CTBP2: variants seen among roughly 807,000 people sequenced by gnomAD.
CTBP2 encodes the protein C-terminal-binding protein 2.
In CTBP2, 30 loss-of-function variants were observed where a neutral mutation model predicts 80.3. That is an observed-to-expected ratio of 0.37 (90% CI 0.28 to 0.51). The LOEUF (loss-of-function observed/expected upper bound fraction) is 0.51. CTBP2 is among the 20% of genes least tolerant of loss of function. The pLI, the probability that CTBP2 is intolerant of heterozygous loss-of-function variation, is 0.93. For missense variants in CTBP2, 1,212 were observed against 1,375.3 expected (o/e 0.88, Z 1.88); for synonymous variants, 594 against 587.4 (o/e 1.01, Z -0.16).
chr10:125,153,374 T>C (rs984178779), intron 1 of CTBP2, among the ~76,000 whole-genome samples: 1 of 152,234 alleles, frequency 6.6e-6, no homozygotes, highest in African/African-American at 2.4e-5. Context: ...ACCCGTTCCC[T>C]TGGTCTCCCT....
chr10:125,151,793 C>A lies in CTBP2; in HGVS notation c.-206+8526G>T, dbSNP rs192867313. 6.6e-4 allele frequency among the ~76,000 whole-genome samples: 101 copies of A among 152,306 alleles called. 1 individual carries two copies. The East Asian group carries it at 0.016, about 24-fold the overall frequency. ...TCCTACCTTGCCGGGGCCTCGCGGACCGGAGAGGGGCCGGCGACCCTGCTG... is the reference window on the plus strand; with the variant it reads ...TCCTACCTTGCCGGGGCCTCGCGGAACGGAGAGGGGCCGGCGACCCTGCTG... On this transcript the variant is annotated intron_variant, in intron 1 of 10. Coordinates refer to the CTBP2 transcript ENST00000337195.
At chr10:124,990,183 T>C (rs1453119118) in intron 8 of CTBP2, among the ~76,000 whole-genome samples, 1 of 152,022 alleles carries the variant, frequency 6.6e-6, no homozygotes, top group Non-Finnish European at 1.5e-5. Context: ...TAGCTGGGAC[T>C]ACAGGTGTGC....
intron 2 of CTBP2, among the ~76,000 whole-genome samples, chr10:125,062,252 G>T (rs1965115762): frequency 6.6e-6 from 1 of 152,146 alleles, no homozygotes; most frequent in Non-Finnish European, 1.5e-5. Flanking sequence ...GGACACAGGG[G>T]TGCTCTCAAA....
intron 2 of CTBP2, among the ~76,000 whole-genome samples, chr10:125,089,821 G>C (rs921471433): frequency 6.6e-6 from 1 of 152,282 alleles, no homozygotes; most frequent in East Asian, 1.9e-4. Context: ...CTGACCAAGG[G>C]AATGGCCTAA....
At chr10:125,037,295 C>T (rs759240690) in intron 3 of CTBP2, among the ~76,000 whole-genome samples, 4 of 152,210 alleles carry the variant, frequency 2.6e-5, no homozygotes, top group African/African-American at 4.8e-5. Context: ...GGAAACGCTG[C>T]TAGCTCTTCA....
chr10:124,984,622 C>G lies in CTBP2; in HGVS notation c.*4896G>C. 1 of 717,918 alleles carries G rather than the reference C, an allele frequency of 1.4e-6. No homozygotes were observed. The highest frequency in any genetic ancestry group is 2.2e-6 in the Non-Finnish European group (1 of 453,282). 44.5% of individuals were successfully genotyped at this position (717,918 alleles called of 1,614,324 possible). A position where few individuals can be genotyped will look rare whatever the true frequency, so the allele number is the denominator to read the frequency against. ...ACCAGAGCAAACTGGACTTTAATCA[C>G]AAAACTTCCAAGAGGTCAAAACCAT... On this transcript the variant is annotated 3_prime_UTR_variant, in exon 9 of 9. Coordinates refer to ENST00000309035, the MANE Select transcript of CTBP2 (RefSeq NM_022802.3).
chr10:125,138,803 G>A (rs1857352035), intron 1 of CTBP2, among the ~76,000 whole-genome samples: 1 of 152,116 alleles, frequency 6.6e-6, no homozygotes, highest in African/African-American at 2.4e-5. Context: ...TTGATTCTTG[G>A]GTGCAAGATG....
At chr10:125,142,342 T>A (rs1343770221) in intron 1 of CTBP2, among the ~76,000 whole-genome samples, 1 of 152,080 alleles carries the variant, frequency 6.6e-6, no homozygotes, top group Non-Finnish European at 1.5e-5. Flanking sequence ...TCATGCATAA[T>A]CCTTGGATAT....
rs922354169 is a variant in CTBP2, at chr10:125,027,222, G to C, written c.538C>G (p.Gln180Glu). Residue 180 changes from glutamine (Q) to glutamate (E), a missense_variant, in exon 1 of 9, where the codon CAG (glutamine) becomes GAG (glutamate). Around this residue, in one of 3 missense-constraint regions of CTBP2, gnomAD observed 848 missense variants for 782.3 expected, o/e 1.08. Coordinates refer to ENST00000309035, the MANE Select transcript of CTBP2 (RefSeq NM_022802.3). The stretch of plus-strand genomic sequence containing the variant: ...CGCCCGGGAGATGCAGCCCTGCTCT[G>C]TGTCTGCCGCCCCTGAGGGATCATT... 4 of 1,613,270 alleles carry C rather than the reference G, an allele frequency of 2.5e-6. No individual in the cohort carries two copies.
At chr10:125,101,272 C>A (rs545205828) in intron 2 of CTBP2, among the ~76,000 whole-genome samples, 5 of 152,236 alleles carry the variant, frequency 3.3e-5, no homozygotes, top group Non-Finnish European at 7.3e-5. Flanking sequence ...CGAGAGAAAG[C>A]CTCATGTCTT....
chr10:125,010,365 C>A (rs1391267378), intron 1 of CTBP2, among the ~76,000 whole-genome samples: 1 of 152,118 alleles, frequency 6.6e-6, no homozygotes, highest in Non-Finnish European at 1.5e-5. Flanking sequence ...CACTTCTTTG[C>A]CCAGCTTCCC....
At chr10:125,015,830 G>A (rs953902917) in intron 1 of CTBP2, among the ~76,000 whole-genome samples, 12 of 152,324 alleles carry the variant, frequency 7.9e-5, no homozygotes, top group East Asian at 3.9e-4. Flanking sequence ...CTGGCAGAGC[G>A]GCCAGCTGCT....
chr10:125,129,005 T>A (rs1207007711), intron 1 of CTBP2, among the ~76,000 whole-genome samples: 1 of 152,184 alleles, frequency 6.6e-6, no homozygotes, highest in Admixed American at 6.5e-5. Context: ...CAAAATGTCT[T>A]AAAAATCTCA....
intron 3 of CTBP2, chr10:125,000,120 T>C (rs1256744964): frequency 6.6e-6 from 1 of 152,296 alleles, no homozygotes; most frequent in Non-Finnish European, 1.5e-5. Context: ...TTCAGCTCCG[T>C]GGTTCCACTG....
intron 7 of CTBP2, 57 bp downstream of exon 9, chr10:124,993,145 G>A (rs1384604335): frequency 7.7e-6 from 12 of 1,562,866 alleles, no homozygotes; most frequent in South Asian, 4.6e-5. Context: ...GACAGGAGCC[G>A]GCTGCACTGT....
chr10:125,081,150 AAC>A (rs1564872718), intron 2 of CTBP2, among the ~76,000 whole-genome samples: 2 of 152,272 alleles, frequency 1.3e-5, no homozygotes, highest in Middle Eastern at 6.8e-3. Flanking sequence ...ATCAGGAAAA[AAC>A]ACAGGACAAA....
intron 2 of CTBP2, among the ~76,000 whole-genome samples, chr10:125,110,016 T>C (rs1383626533): frequency 6.6e-6 from 1 of 152,232 alleles, no homozygotes; most frequent in Non-Finnish European, 1.5e-5. Context: ...AGATTCAGCT[T>C]GGCCCCCTCA....
chr10:124,998,855 G>A (rs1427315764), intron 3 of CTBP2: 1 of 155,520 alleles, frequency 6.4e-6, no homozygotes, highest in Non-Finnish European at 1.4e-5. Flanking sequence ...GGCCGAGGGT[G>A]GCTTGGGGTG....
intron 1 of CTBP2, among the ~76,000 whole-genome samples, chr10:125,003,711 G>A (rs1471890063): frequency 1.3e-5 from 2 of 151,848 alleles, no homozygotes; most frequent in Non-Finnish European, 3.0e-5. Context: ...AGACGCACAC[G>A]GCTGCTTCCC....
Sources: gnomAD v4.1 joint callset for allele counts (sites outside exome capture counted in the v4.1 genomes callset) on GRCh38, gnomAD v4.1.1 for gene constraint, gnomAD v4.1.1 regional missense constraint, MANE v1.5 for transcripts, NCBI Gene and HGNC (gene_info 2026-07-23, HGNC 2026-07-21) for gene names.